The following KLK8 variants were observed in gnomAD, a reference collection of about 807,000 sequenced individuals.
KLK8 encodes kallikrein related peptidase 8.
KLK8 carries 18 observed loss-of-function variants against 26.7 expected under a neutral mutation model. The observed-to-expected ratio is 0.67, with a 90% CI of 0.47 to 1.00. The LOEUF (loss-of-function observed/expected upper bound fraction) is 1.00. Among genes scored for constraint, KLK8 ranks in the 50% least tolerant of loss-of-function variants. KLK8 has a pLI of 0.00. For missense variants in KLK8, 301 were observed against 331.7 expected (o/e 0.91, Z 0.72); for synonymous variants, 137 against 127.1 (o/e 1.08, Z -0.52).
intron 6 of KLK8, among the ~76,000 whole-genome samples, chr19:50,996,448 TC>T (rs758899630): frequency 9.2e-5 from 14 of 151,510 alleles, no homozygotes; most frequent in Non-Finnish European, 2.1e-4. Flanking sequence ...AAGAATGAAA[TC>T]CCAGACAGGC....
At chr19:51,000,196 A>G (rs1235288867) in exon 5 of KLK8, 7 of 1,608,648 alleles carry the variant, frequency 4.4e-6, no homozygotes, top group Non-Finnish European at 6.0e-6. Context: ...AACCACAGGT[A>G]TTTCTTGCTC....
intron 6 of KLK8, 71 bp from the exon 6 acceptor site, chr19:50,996,285 G>T: frequency 6.5e-7 from 1 of 1,534,588 alleles, no homozygotes; most frequent in Non-Finnish European, 8.9e-7. Context: ...CTGTCCCAGC[G>T]TTTTACCAGT....
At chr19:50,996,013 A>C in exon 7 of KLK8, 3 of 1,599,506 alleles carry the variant, frequency 1.9e-6, no homozygotes, top group Non-Finnish European at 2.6e-6. Flanking sequence ...GCAAGGAACC[A>C]GAGAGTTGTG....
rs2091222092 is a variant in KLK8, at chr19:51,001,177, T to G, written c.-8-2A>C. ...GTCGGGGGCGTCCCATGGTGAGGTCTGGGAAATGGAGAGGGCGGGGCCGGT... is the reference window on the plus strand; with the variant it reads ...GTCGGGGGCGTCCCATGGTGAGGTCGGGGAAATGGAGAGGGCGGGGCCGGT... On this transcript the variant is annotated splice_acceptor_variant, in intron 2 of 6. Coordinates refer to ENST00000600767, the Ensembl canonical transcript of KLK8. LOFTEE classifies it low-confidence loss of function (5UTR_SPLICE). The G allele has an allele frequency of 6.2e-7, 1 of 1,611,732 alleles. No homozygotes were observed. Among genetic ancestry groups the G allele is most frequent in the African/African-American group, 1.3e-5 (1 of 74,884 alleles).
At chr19:51,000,847 A>G (rs764417063) in intron 3 of KLK8, 46 of 981,758 alleles carry the variant, frequency 4.7e-5, no homozygotes, top group Non-Finnish European at 6.3e-5. Context: ...TATGCCCCCA[A>G]GCAAGCAGCC....
intron 2 of KLK8, 90 bp from the exon 2 acceptor site, chr19:51,001,265 G>T: frequency 9.0e-7 from 1 of 1,106,686 alleles, no homozygotes; most frequent in Non-Finnish European, 1.3e-6. Context: ...GCAGCCGAGA[G>T]TATCTGGGGC....
At position 51,000,593 on chromosome 19, in the gene KLK8, G is replaced by A. The variant is rs769482710; in HGVS notation, c.71-10C>T. The A allele has an allele frequency of 2.5e-6, 4 of 1,613,562 alleles. No homozygotes were observed. Among genetic ancestry groups the A allele is most frequent in the East Asian group, 4.5e-5 (2 of 44,882 alleles). ...TGTGCCCTGGAGTGTCCTGCAGCAG[G>A]AGGGAGAGGGTTGGATCGCCACCCT... On this transcript the variant is annotated splice_polypyrimidine_tract_variant and intron_variant, in intron 3 of 6. Transcript: ENST00000600767.
chr19:51,000,173 G>A, exon 5 of KLK8: 14 of 1,613,280 alleles, frequency 8.7e-6, no homozygotes, highest in Non-Finnish European at 1.2e-5. Flanking sequence ...TAGCAGGGGT[G>A]TGGGATGGAC....
exon 4 of KLK8, chr19:51,000,496 C>T (rs776294629): frequency 1.2e-6 from 2 of 1,613,936 alleles, no homozygotes; most frequent in Non-Finnish European, 1.7e-6. Flanking sequence ...TAGTTGCTGG[C>T]CCTGGAACAA....
intron 6 of KLK8, among the ~76,000 whole-genome samples, chr19:50,996,893 G>GACACACACAC (rs368604260): frequency 5.4e-4 from 44 of 81,298 alleles, no homozygotes; most frequent in Non-Finnish European, 6.4e-4. Flanking sequence ...GATTCTTATG[G>GACACACACAC]ACACACACAC....
intron 6 of KLK8, 65 bp downstream of exon 5, chr19:50,997,686 C>T (rs2091183087): frequency 6.3e-7 from 1 of 1,594,896 alleles, no homozygotes; most frequent in Admixed American, 1.7e-5. Context: ...CACCCCCATC[C>T]AAGCCTTGAA....
chr19:51,000,052 G>A, exon 5 of KLK8: 1 of 1,613,636 alleles, frequency 6.2e-7, no homozygotes, highest in African/African-American at 1.3e-5. Context: ...GCCAGGCTGG[G>A]TGCAATGATC....
intron 5 of KLK8, among the ~76,000 whole-genome samples, chr19:50,998,248 C>T (rs2091188334): frequency 1.3e-5 from 2 of 152,268 alleles, no homozygotes; most frequent in South Asian, 4.1e-4. Flanking sequence ...TGTGCTAAAT[C>T]CTGCTCCTTC....
Position 51,001,082 on chromosome 19 carries a change from C to A in KLK8, c.70+16G>T. The stretch of plus-strand genomic sequence containing the variant: ...TCAGATCCCTCCCCTCCGGAGGCCT[C>A]CGCAACCCTCCTCACCTGCCCAGGC... On this transcript the variant is annotated intron_variant, in intron 3 of 6. Transcript: ENST00000600767. The A allele has an allele frequency of 6.2e-7, 1 of 1,607,262 alleles. No individual in the cohort carries two copies. Among genetic ancestry groups the A allele is most frequent in the Non-Finnish European group, 8.5e-7 (1 of 1,177,370 alleles).
intron 6 of KLK8, among the ~76,000 whole-genome samples, chr19:50,997,176 G>C (rs2091177931): frequency 6.6e-6 from 1 of 152,162 alleles, no homozygotes; most frequent in African/African-American, 2.4e-5. Context: ...TTAGAAGAGA[G>C]AGTTATATCT....
intron 6 of KLK8, 35 bp from the exon 6 acceptor site, chr19:50,996,249 A>T: frequency 6.2e-7 from 1 of 1,605,426 alleles, no homozygotes; most frequent in Non-Finnish European, 8.5e-7. Context: ...CTTGCATCTG[A>T]GATGTCCACA....
At chr19:51,000,749 T>C (rs377493935) in intron 3 of KLK8, 166 bp from the exon 3 acceptor site, 50 of 1,517,510 alleles carry the variant, frequency 3.3e-5, no homozygotes, top group Non-Finnish European at 4.1e-5. Context: ...TTTCAGTCCA[T>C]GTGTCATCAT....
At chr19:50,997,469 C>A (rs1394772811) in intron 6 of KLK8, among the ~76,000 whole-genome samples, 1 of 152,122 alleles carries the variant, frequency 6.6e-6, no homozygotes, top group Non-Finnish European at 1.5e-5. Context: ...GGACATCTAC[C>A]CCACCCTCTA....
In KLK8 at chr19:50,996,936, A is replaced by ACACC. The variant is rs1555784724; in HGVS notation, c.628-726_628-723dup. 3.0e-3 allele frequency among the ~76,000 whole-genome samples: 178 copies of ACACC among 59,290 alleles called. 1 individual carries two copies. The highest frequency in any genetic ancestry group is 4.8e-3 in the African/African-American group (60 of 12,512). 38.9% of individuals were successfully genotyped at this position (59,290 alleles called of 152,430 possible). On this transcript the variant is annotated intron_variant, in intron 6 of 6. Coordinates refer to ENST00000600767, the Ensembl canonical transcript of KLK8. ...CACACACACACACACACACACACAC[A>ACACC]CACCATATCCCCAAGAGACCATGGC...
Sources: gnomAD v4.1 joint callset for allele counts (sites outside exome capture counted in the v4.1 genomes callset) on GRCh38, gnomAD v4.1.1 for gene constraint, MANE v1.5 for transcripts, NCBI Gene and HGNC (gene_info 2026-07-23, HGNC 2026-07-21) for gene names.